GADL1: variants seen among roughly 807,000 people sequenced by gnomAD.
GADL1 encodes GAD like acidic amino acid decarboxylase 1.
A neutral mutation model predicts 69.5 loss-of-function variants in GADL1; 71 were observed. The observed-to-expected ratio is 1.02, with a 90% CI of 0.84 to 1.25. The LOEUF is 1.25. Ranked by LOEUF, GADL1 falls within the 50% of genes most tolerant of loss-of-function variation. GADL1 has a pLI of 0.00. For missense variants in GADL1, 737 were observed against 631.8 expected (o/e 1.17, Z -1.79); for synonymous variants, 254 against 214.4 (o/e 1.18, Z -1.62).
chr3:30,803,874 G>T (rs9870495), intron 11 of GADL1, among the ~76,000 whole-genome samples: 79,019 of 152,026 alleles, frequency 0.52, 23,128 homozygotes, highest in African/African-American at 0.79. Flanking sequence ...ATAGTAAAAC[G>T]TAACATTGTT....
intron 2 of GADL1, among the ~76,000 whole-genome samples, chr3:30,860,445 G>A (rs1354925592): frequency 6.6e-6 from 1 of 151,884 alleles, no homozygotes; most frequent in Non-Finnish European, 1.5e-5. Context: ...CCAATGTAAA[G>A]CAGATCCAAA....
intron 14 of GADL1, 92 bp downstream of exon 14, chr3:30,778,087 G>GGGC: frequency 1.4e-6 from 1 of 734,490 alleles, no homozygotes. Context: ...ATAATTCTGT[G>GGGC]CTTGCTAGGC....
At chr3:30,839,502 T>C (rs895810195) in intron 8 of GADL1, among the ~76,000 whole-genome samples, 4 of 56,176 alleles carry the variant, frequency 7.1e-5, no homozygotes, top group African/African-American at 2.7e-4. Flanking sequence ...TGTGCCATCA[T>C]TGTCATCTTC....
intron 13 of GADL1, among the ~76,000 whole-genome samples, chr3:30,781,008 AC>A (rs1333556979): frequency 6.6e-6 from 1 of 152,174 alleles, no homozygotes; most frequent in Non-Finnish European, 1.5e-5. Flanking sequence ...TCATTTGTAT[AC>A]CCCTTAATTT....
At chr3:30,875,391 G>T (rs1698564032) in intron 1 of GADL1, among the ~76,000 whole-genome samples, 1 of 151,676 alleles carries the variant, frequency 6.6e-6, no homozygotes, top group African/African-American at 2.4e-5. Context: ...CCCATATGAG[G>T]ACCTTCCAAA....
At chr3:30,780,041 C>T (rs555019217) in intron 13 of GADL1, among the ~76,000 whole-genome samples, 1 of 152,158 alleles carries the variant, frequency 6.6e-6, no homozygotes, top group Non-Finnish European at 1.5e-5. Flanking sequence ...CCAGTACACC[C>T]CTTTCAGGTG....
intron 1 of GADL1, among the ~76,000 whole-genome samples, chr3:30,887,432 A>G (rs186094186): frequency 6.6e-6 from 1 of 152,120 alleles, no homozygotes; most frequent in African/African-American, 2.4e-5. Context: ...GCTTTATAAG[A>G]AGAGGAAAAG....
chr3:30,887,145 C>T (rs866044753), intron 1 of GADL1, among the ~76,000 whole-genome samples: 16 of 152,246 alleles, frequency 1.1e-4, no homozygotes, highest in Middle Eastern at 3.4e-3. Flanking sequence ...CACCTCACCT[C>T]ATTATAGCTG....
intron 14 of GADL1, among the ~76,000 whole-genome samples, chr3:30,763,623 A>C (rs193140084): frequency 6.6e-6 from 1 of 152,264 alleles, no homozygotes; most frequent in East Asian, 1.9e-4. Context: ...GATTTTGCCC[A>C]ACTATAGTCT....
At chr3:30,827,901 A>G (rs938776359) in intron 11 of GADL1, among the ~76,000 whole-genome samples, 1 of 151,874 alleles carries the variant, frequency 6.6e-6, no homozygotes, top group African/African-American at 2.4e-5. Context: ...CCTACAAGTC[A>G]AATGCTTCTC....
At chr3:30,813,419 G>C (rs1372755886) in intron 11 of GADL1, among the ~76,000 whole-genome samples, 1 of 152,146 alleles carries the variant, frequency 6.6e-6, no homozygotes, top group African/African-American at 2.4e-5. Flanking sequence ...GGACAAAACA[G>C]ACACAGAGTG....
At chr3:30,820,163 T>A (rs1054366769) in intron 11 of GADL1, among the ~76,000 whole-genome samples, 52 of 152,044 alleles carry the variant, frequency 3.4e-4, no homozygotes, top group African/African-American at 1.3e-3. Context: ...TAATCAGTAA[T>A]ACAGAAAATC....
intron 12 of GADL1, chr3:30,799,129 G>C (rs978713834): frequency 6.6e-6 from 1 of 152,266 alleles, no homozygotes; most frequent in Non-Finnish European, 1.5e-5. Flanking sequence ...GCTCCACTAG[G>C]CAGTGCCCCA....
chr3:30,731,494 C>T (rs576115444), intron 14 of GADL1, among the ~76,000 whole-genome samples: 1 of 152,092 alleles, frequency 6.6e-6, no homozygotes, highest in African/African-American at 2.4e-5. Context: ...TGTGAGGAAG[C>T]CAGAAATACT....
chr3:30,797,150 C>T (rs938984754), intron 12 of GADL1, among the ~76,000 whole-genome samples: 2 of 152,156 alleles, frequency 1.3e-5, no homozygotes, highest in Non-Finnish European at 2.9e-5. Context: ...TCATGGCCAT[C>T]TCAAGAATGC....
intron 14 of GADL1, among the ~76,000 whole-genome samples, chr3:30,752,635 A>G (rs1370395275): frequency 1.3e-5 from 2 of 152,162 alleles, no homozygotes; most frequent in Non-Finnish European, 2.9e-5. Flanking sequence ...ATATCGTTAC[A>G]AGAAAACGTC....
chr3:30,761,330 G>C (rs1029502266), intron 14 of GADL1, among the ~76,000 whole-genome samples: 3 of 152,020 alleles, frequency 2.0e-5, no homozygotes, highest in Admixed American at 1.3e-4. Flanking sequence ...CTCAATATTG[G>C]TGAATTCTAG....
chr3:30,845,772 T>A (rs908557116), intron 6 of GADL1, among the ~76,000 whole-genome samples: 1 of 152,174 alleles, frequency 6.6e-6, no homozygotes, highest in Non-Finnish European at 1.5e-5. Context: ...GTAACCTGCC[T>A]GCCATAGCTA....
At chr3:30,766,556 ATTTT>A (rs1553637107) in intron 14 of GADL1, among the ~76,000 whole-genome samples, 1 of 117,024 alleles carries the variant, frequency 8.5e-6, no homozygotes, top group African/African-American at 3.5e-5. Context: ...CATTACTGTG[ATTTT>A]TTTTCTCTTA....
Sources: allele counts gnomAD v4.1 joint callset (sites outside exome capture counted in the v4.1 genomes callset), GRCh38; gene constraint gnomAD v4.1.1; transcripts MANE v1.5; gene names NCBI Gene and HGNC (gene_info 2026-07-23, HGNC 2026-07-21).